Variants in NEK10 observed in about 807,000 individuals in gnomAD.
NEK10 encodes NIMA related kinase 10.
NEK10 carries 122 observed loss-of-function variants against 159.8 expected under a neutral mutation model. The observed-to-expected ratio is 0.76, with a 90% CI of 0.66 to 0.89. The LOEUF is 0.89. Ranked by LOEUF, NEK10 falls within the 40% of genes least tolerant of loss-of-function variation. The probability of loss-of-function intolerance (pLI) is 0.00; values close to 1 mark genes in which losing one functional copy is unlikely to be tolerated. For missense variants in NEK10, 1,342 were observed against 1,323.1 expected, an observed-to-expected ratio of 1.01 and a Z score of -0.22; for synonymous variants, 466 against 457.1, an observed-to-expected ratio of 1.02 and a Z score of -0.25.
chr3:27,196,185 T>C (rs1260713510), intron 25 of NEK10, among the ~76,000 whole-genome samples: 1 of 152,112 alleles, frequency 6.6e-6, no homozygotes, highest in Non-Finnish European at 1.5e-5. Flanking sequence ...ATCATGAAAA[T>C]CCCTGTCCTG....
chr3:27,125,328 T>G (rs1941820191), intron 32 of NEK10, among the ~76,000 whole-genome samples: 2 of 152,170 alleles, frequency 1.3e-5, no homozygotes, highest in Non-Finnish European at 2.9e-5. Context: ...ATCCTCACTG[T>G]AGAACAATTA....
At chr3:27,347,905 G>T (rs1261493111) in intron 3 of NEK10, among the ~76,000 whole-genome samples, 1 of 152,020 alleles carries the variant, frequency 6.6e-6, no homozygotes, top group Non-Finnish European at 1.5e-5. Context: ...TCATTAAAAT[G>T]GAAATAATAA....
intron 20 of NEK10, 103 bp from the exon 21 acceptor site, chr3:27,285,064 AC>A: frequency 1.5e-6 from 1 of 673,352 alleles, no homozygotes; most frequent in Non-Finnish European, 2.2e-6. Context: ...TGTGCGGGAC[AC>A]TAACACTAAA....
At chr3:27,260,956 G>GT (rs1255618015) in intron 22 of NEK10, among the ~76,000 whole-genome samples, 5 of 152,128 alleles carry the variant, frequency 3.3e-5, no homozygotes, top group African/African-American at 1.2e-4. Flanking sequence ...TTGGGAGGGT[G>GT]TATGTGTCCA....
intron 5 of NEK10, among the ~76,000 whole-genome samples, chr3:27,339,133 G>A (rs1304571540): frequency 6.6e-6 from 1 of 152,154 alleles, no homozygotes; most frequent in Non-Finnish European, 1.5e-5. Flanking sequence ...AGTGGGCAAA[G>A]TTGCCTGTTC....
intron 22 of NEK10, among the ~76,000 whole-genome samples, chr3:27,261,261 C>T (rs1212090043): frequency 6.6e-6 from 1 of 152,194 alleles, no homozygotes; most frequent in African/African-American, 2.4e-5. Context: ...TTGCCTTCTG[C>T]TAGCTTTAAA....
intron 23 of NEK10, among the ~76,000 whole-genome samples, chr3:27,208,443 C>A (rs1208496668): frequency 6.6e-6 from 1 of 151,944 alleles, no homozygotes; most frequent in Non-Finnish European, 1.5e-5. Flanking sequence ...TAAAGAGCAC[C>A]CTGATCGGCC....
chr3:27,329,365 C>T (rs1399064596), intron 5 of NEK10, among the ~76,000 whole-genome samples: 1 of 152,166 alleles, frequency 6.6e-6, no homozygotes, highest in Non-Finnish European at 1.5e-5. Flanking sequence ...GGCCCCATTT[C>T]TTGGAGCTAA....
intron 23 of NEK10, among the ~76,000 whole-genome samples, chr3:27,255,629 C>T (rs149946451): frequency 9.0e-4 from 137 of 152,226 alleles, no homozygotes; most frequent in African/African-American, 3.3e-3. Context: ...AGACAAATGA[C>T]ATGTGATCAG....
intron 26 of NEK10, among the ~76,000 whole-genome samples, chr3:27,188,747 G>A (rs1948849931): frequency 6.6e-6 from 1 of 152,152 alleles, no homozygotes; most frequent in Admixed American, 6.5e-5. Context: ...GCCTAAAGCT[G>A]TCTCTATAAA....
At chr3:27,206,564 A>G in intron 23 of NEK10, 1 of 982,528 alleles carries the variant, frequency 1.0e-6, no homozygotes, top group Non-Finnish European at 1.2e-6. Context: ...TCTTCTCTTC[A>G]TACTTTACTC....
At chr3:27,307,626 A>G (rs1474811111) in intron 11 of NEK10, among the ~76,000 whole-genome samples, 1 of 152,194 alleles carries the variant, frequency 6.6e-6, no homozygotes, top group African/African-American at 2.4e-5. Flanking sequence ...GATATCACAA[A>G]AATTTATTTC....
Position 27,276,147 on chromosome 3 carries a change from A to T in NEK10, c.2014+8455T>A, listed in dbSNP as rs555811697. Reference sequence around the variant, plus strand: ...TTTTTGTTCATTTGCTCATTAATTCATTCATTCTTCTATTCATTTGGTGAA... The same window carrying T: ...TTTTTGTTCATTTGCTCATTAATTCTTTCATTCTTCTATTCATTTGGTGAA... On this transcript the variant is annotated intron_variant, in intron 22 of 35. Coordinates refer to ENST00000691995, the MANE Select transcript of NEK10 (RefSeq NM_001394966.1). Among the ~76,000 whole-genome samples, 3 of 152,010 alleles carry T rather than the reference A, an allele frequency of 2.0e-5. No individual in the cohort carries two copies. In the East Asian group the frequency reaches 5.8e-4, roughly 29 times the overall value.
rs542477001 is a variant in NEK10, at chr3:27,144,017, C to A, written c.2870-2435G>T. Among the ~76,000 whole-genome samples the A allele has an allele frequency of 2.6e-5, 4 of 152,314 alleles. No homozygotes were observed. The South Asian group carries it at 8.3e-4, about 32-fold the overall frequency. On this transcript the variant is annotated intron_variant, in intron 30 of 35. Coordinates refer to ENST00000691995, the MANE Select transcript of NEK10 (RefSeq NM_001394966.1). ...ATAAAATGCGTTTTCTATTGATAGT[C>A]ATTTCCAAGCATTTGAAAGCTACTA...
intron 31 of NEK10, among the ~76,000 whole-genome samples, chr3:27,139,364 G>A (rs1943551171): frequency 6.6e-6 from 1 of 151,978 alleles, no homozygotes; most frequent in Admixed American, 6.6e-5. Flanking sequence ...TCTTTAAAAG[G>A]GATGTTCATT....
At chr3:27,115,029 A>C (rs571312161) in intron 35 of NEK10, among the ~76,000 whole-genome samples, 1 of 152,298 alleles carries the variant, frequency 6.6e-6, no homozygotes, top group African/African-American at 2.4e-5. Flanking sequence ...TTTCCTGAGG[A>C]TTTCTCTGAC....
chr3:27,355,560 A>G (rs138728788), intron 1 of NEK10, among the ~76,000 whole-genome samples: 8 of 152,128 alleles, frequency 5.3e-5, no homozygotes, highest in Non-Finnish European at 1.2e-4. Context: ...TCAAGCCACC[A>G]GCAAAACTAG....
At chr3:27,262,833 G>A (rs11718843) in intron 22 of NEK10, among the ~76,000 whole-genome samples, 39,085 of 151,970 alleles carry the variant, frequency 0.26, 5,197 homozygotes, top group Middle Eastern at 0.38. Context: ...CTCTCAACTC[G>A]TCAAAGTCAT....
chr3:27,359,493 C>T (rs1360774599), intron 1 of NEK10, among the ~76,000 whole-genome samples: 1 of 152,130 alleles, frequency 6.6e-6, no homozygotes, highest in African/African-American at 2.4e-5. Flanking sequence ...CTTTCAGCCC[C>T]ATAACTAACT....
Sources: allele counts gnomAD v4.1 joint callset (sites outside exome capture counted in the v4.1 genomes callset), GRCh38; gene constraint gnomAD v4.1.1; transcripts MANE v1.5; gene names NCBI Gene and HGNC (gene_info 2026-07-23, HGNC 2026-07-21).